BBS9: variants seen among roughly 807,000 people sequenced by gnomAD.
The protein encoded by BBS9 is Bardet-Biedl syndrome 9, also known as protein PTHB1.
Under a neutral mutation model 117.7 loss-of-function variants are expected in BBS9, and 89 were observed. The observed-to-expected ratio is 0.76, with a 90% CI of 0.64 to 0.90. The LOEUF (loss-of-function observed/expected upper bound fraction) is 0.90, where lower values mean the gene tolerates loss of function less well. Ranked by LOEUF, BBS9 falls within the 40% of genes least tolerant of loss-of-function variation. BBS9 has a pLI of 0.00. For missense variants in BBS9, 982 were observed against 1,042.2 expected (o/e 0.94, Z 0.80); for synonymous variants, 379 against 370.9 (o/e 1.02, Z -0.25).
chr7:33,573,351 T>G (rs1390822148), intron 21 of BBS9, among the ~76,000 whole-genome samples: 1 of 152,126 alleles, frequency 6.6e-6, no homozygotes, highest in African/African-American at 2.4e-5. Flanking sequence ...TGTTTATGAT[T>G]TGTTTGCTCT....
At chr7:33,297,353 T>G (rs796253278) in intron 9 of BBS9, among the ~76,000 whole-genome samples, 2 of 152,310 alleles carry the variant, frequency 1.3e-5, no homozygotes, top group African/African-American at 2.4e-5. Context: ...TACCATGTGA[T>G]ATGTACTTTA....
At chr7:33,133,676 T>C (rs1431334319) in intron 1 of BBS9, among the ~76,000 whole-genome samples, 2 of 152,226 alleles carry the variant, frequency 1.3e-5, no homozygotes, top group African/African-American at 4.8e-5. Context: ...GTATGGATGC[T>C]TCCTTTTGTT....
chr7:33,383,899 G>C lies in BBS9; in HGVS notation c.1962+61G>C, dbSNP rs1280866226. The C allele has an allele frequency of 7.8e-6, 12 of 1,530,416 alleles. No individual in the cohort carries two copies. The African/African-American group carries it at 9.6e-5, about 12-fold the overall frequency. The allele number at this position is 1,530,416 out of a possible 1,614,324, so 94.8% of individuals were successfully genotyped here. On this transcript the variant is annotated intron_variant, in intron 18 of 22. Transcript: ENST00000242067. Reference sequence around the variant, plus strand: ...TTAAATATATGAAAGAGAAATAGATGCTATAGAAGGATTCTGTATGCATGC... The same window carrying C: ...TTAAATATATGAAAGAGAAATAGATCCTATAGAAGGATTCTGTATGCATGC...
intron 21 of BBS9, among the ~76,000 whole-genome samples, chr7:33,537,807 GA>G (rs1851688643): frequency 6.6e-6 from 1 of 152,144 alleles, no homozygotes; most frequent in Non-Finnish European, 1.5e-5. Flanking sequence ...TTATAGCAAA[GA>G]TTTGAACCTC....
chr7:33,147,311 A>G (rs1371310955), intron 2 of BBS9, among the ~76,000 whole-genome samples: 1 of 152,124 alleles, frequency 6.6e-6, no homozygotes, highest in African/African-American at 2.4e-5. Context: ...TATTATAACT[A>G]TTCTTTTGTT....
At position 33,254,968 on chromosome 7, in the gene BBS9, T is replaced by A. The variant is rs555923838; in HGVS notation, c.443-2268T>A. Among the ~76,000 whole-genome samples the A allele has an allele frequency of 6.6e-5, 10 of 152,312 alleles. No individual in the cohort carries two copies. In the South Asian group the frequency reaches 1.0e-3, roughly 16 times the overall value. On this transcript the variant is annotated intron_variant, in intron 5 of 22. Transcript: ENST00000242067. ...GATTTGTATGTCTTATTTGGAAAAATGTCTATTTTAGTCCTTTGCCCATTT... is the reference window on the plus strand; with the variant it reads ...GATTTGTATGTCTTATTTGGAAAAAAGTCTATTTTAGTCCTTTGCCCATTT...
At chr7:33,305,986 G>A (rs1584229741) in intron 9 of BBS9, among the ~76,000 whole-genome samples, 4 of 152,106 alleles carry the variant, frequency 2.6e-5, no homozygotes, top group South Asian at 4.1e-4. Context: ...TCTTTAAAAT[G>A]CGTTGTGAGG....
At chr7:33,357,700 G>A in intron 15 of BBS9, 155 bp from the exon 16 acceptor site, 1 of 779,580 alleles carries the variant, frequency 1.3e-6, no homozygotes, top group Non-Finnish European at 2.2e-6. Flanking sequence ...TATGAATCAT[G>A]ATAATAATTT....
chr7:33,547,797 C>T (rs1853659412), intron 21 of BBS9, among the ~76,000 whole-genome samples: 2 of 152,038 alleles, frequency 1.3e-5, no homozygotes, highest in African/African-American at 2.4e-5. Context: ...GTTTCAAAAT[C>T]GTTTTGAAAG....
chr7:33,436,312 T>C (rs1335850872), intron 19 of BBS9, among the ~76,000 whole-genome samples: 1 of 152,178 alleles, frequency 6.6e-6, no homozygotes, highest in Non-Finnish European at 1.5e-5. Flanking sequence ...GTGAAATAAG[T>C]GTGTTGTAGT....
At chr7:33,308,010 G>A (rs558526208) in intron 9 of BBS9, among the ~76,000 whole-genome samples, 1 of 152,328 alleles carries the variant, frequency 6.6e-6, no homozygotes, top group East Asian at 1.9e-4. Context: ...CCAGGTGGGA[G>A]TGAAGTGACA....
intron 12 of BBS9, 37 bp from the exon 13 acceptor site, chr7:33,349,031 T>A: frequency 7.3e-7 from 1 of 1,375,830 alleles, no homozygotes; most frequent in South Asian, 1.2e-5. Context: ...TTGAATAAAA[T>A]GTAATTTTCT....
At chr7:33,481,947 C>T (rs774075533) in intron 19 of BBS9, among the ~76,000 whole-genome samples, 9 of 152,140 alleles carry the variant, frequency 5.9e-5, no homozygotes, top group East Asian at 3.8e-4. Context: ...TAGTTTGGGA[C>T]GTTTTTCATG....
intron 4 of BBS9, among the ~76,000 whole-genome samples, chr7:33,165,165 C>CT (rs1361068749): frequency 2.0e-5 from 3 of 152,202 alleles, no homozygotes; most frequent in African/African-American, 7.2e-5. Context: ...CCCCCACTCT[C>CT]TTCTGGCTTG....
intron 9 of BBS9, among the ~76,000 whole-genome samples, chr7:33,324,360 TAC>T (rs1432118240): frequency 1.3e-5 from 2 of 152,216 alleles, no homozygotes; most frequent in Non-Finnish European, 2.9e-5. Context: ...ATAAAAACTC[TAC>T]AGTTAACTTT....
intron 10 of BBS9, among the ~76,000 whole-genome samples, chr7:33,338,259 T>C (rs1199063446): frequency 1.3e-5 from 2 of 152,170 alleles, no homozygotes; most frequent in Non-Finnish European, 2.9e-5. Context: ...TTTAAAACAT[T>C]TTATTTCTAG....
intron 21 of BBS9, among the ~76,000 whole-genome samples, chr7:33,553,747 A>T (rs1398027564): frequency 4.6e-5 from 7 of 152,176 alleles, no homozygotes; most frequent in Non-Finnish European, 1.0e-4. Context: ...GAATAGGACA[A>T]TTTTTAAAAG....
intron 1 of BBS9, among the ~76,000 whole-genome samples, chr7:33,132,135 C>A (rs577886225): frequency 6.6e-6 from 1 of 152,260 alleles, no homozygotes; most frequent in East Asian, 1.9e-4. Flanking sequence ...GTAGTTTGAA[C>A]TTGTAGTGTT....
rs1331672895 is a variant in BBS9 at position 33,260,754 on chromosome 7, G to A, written c.617+3344G>A. ...CATTTGTCATACAGGCTATAGCAGAGCTTTGCATAGGATGCTGAGGAGGCC... is the reference window on the plus strand; with the variant it reads ...CATTTGTCATACAGGCTATAGCAGAACTTTGCATAGGATGCTGAGGAGGCC... On this transcript the variant is annotated intron_variant, in intron 6 of 22. Transcript: ENST00000242067. Among the ~76,000 whole-genome samples the A allele has an allele frequency of 2.0e-5, 3 of 152,204 alleles. No homozygotes were observed. The East Asian group carries it at 5.8e-4, about 29-fold the overall frequency.
Sources: allele counts gnomAD v4.1 joint callset (sites outside exome capture counted in the v4.1 genomes callset), GRCh38; gene constraint gnomAD v4.1.1; transcripts MANE v1.5; gene names NCBI Gene and HGNC (gene_info 2026-07-23, HGNC 2026-07-21).